DENND1A: variants seen among roughly 807,000 people sequenced by gnomAD.
The protein encoded by DENND1A is DENN domain-containing protein 1A.
A neutral mutation model predicts 113.7 loss-of-function variants in DENND1A; 51 were observed. The observed-to-expected ratio is 0.45, with a 90% confidence interval of 0.36 to 0.57. The LOEUF (loss-of-function observed/expected upper bound fraction) is 0.57. Ranked by LOEUF, DENND1A falls within the 20% of genes least tolerant of loss-of-function variation. The probability of loss-of-function intolerance (pLI) is 0.00; values close to 1 mark genes in which losing one functional copy is unlikely to be tolerated. For synonymous variants in DENND1A, 565 were observed against 570.8 expected (o/e 0.99, Z 0.14); for missense variants, 1,258 against 1,395.9 (o/e 0.90, Z 1.57).
At chr9:123,665,680 T>A (rs144765206) in intron 8 of DENND1A, among the ~76,000 whole-genome samples, 31 of 152,332 alleles carry the variant, frequency 2.0e-4, no homozygotes, top group Admixed American at 1.9e-3. Flanking sequence ...ACTTTTCTTA[T>A]CAAGTATTCA....
At position 123,481,423 on chromosome 9, in the gene DENND1A, C is replaced by T. The variant is rs925954370; in HGVS notation, c.994-23526G>A. Among the ~76,000 whole-genome samples the T allele has an allele frequency of 1.1e-4, 16 of 152,324 alleles. 1 individual carries two copies. The highest frequency in any genetic ancestry group is 4.6e-4 in the Admixed American group (7 of 15,304). On this transcript the variant is annotated intron_variant, in intron 13 of 23. Transcript: ENST00000394215. ...GGAAGCCCAGGCACCAGGAAGGACGCGTGCATTTACAGACGGCCCTCCTGT... is the reference window on the plus strand; with the variant it reads ...GGAAGCCCAGGCACCAGGAAGGACGTGTGCATTTACAGACGGCCCTCCTGT...
chr9:123,693,807 T>TTATTA (rs768396321), intron 5 of DENND1A, among the ~76,000 whole-genome samples: 4 of 94,648 alleles, frequency 4.2e-5, no homozygotes, highest in African/African-American at 1.5e-4. Context: ...ATTAGCTATA[T>TTATTA]TATTATTATT....
chr9:123,856,504 C>A (rs1028940105), intron 2 of DENND1A, among the ~76,000 whole-genome samples: 15 of 152,078 alleles, frequency 9.9e-5, no homozygotes, highest in African/African-American at 3.6e-4. Flanking sequence ...AGAAGCGTGT[C>A]CATGTTAAAA....
chr9:123,925,770 C>A (rs553505542), intron 1 of DENND1A, among the ~76,000 whole-genome samples: 3 of 152,314 alleles, frequency 2.0e-5, no homozygotes, highest in African/African-American at 7.2e-5. Context: ...TTGACAGGGA[C>A]AGAAGACAGG....
intron 2 of DENND1A, among the ~76,000 whole-genome samples, chr9:123,835,482 A>G (rs988123346): frequency 6.6e-6 from 1 of 152,110 alleles, no homozygotes; most frequent in Non-Finnish European, 1.5e-5. Context: ...ATAATGGTCA[A>G]GCACACTCAT....
intron 13 of DENND1A, among the ~76,000 whole-genome samples, chr9:123,548,442 C>T (rs950936120): frequency 1.3e-5 from 2 of 152,302 alleles, no homozygotes; most frequent in Admixed American, 6.5e-5. Flanking sequence ...GGTCCATATT[C>T]GTGCTTCCCA....
At chr9:123,637,914 C>A (rs1379956422) in intron 9 of DENND1A, among the ~76,000 whole-genome samples, 2 of 39,828 alleles carry the variant, frequency 5.0e-5, no homozygotes, top group Non-Finnish European at 8.7e-5. Context: ...GGAATAAACA[C>A]ACACACACAC....
rs189973883 is a variant in DENND1A at position 123,850,155 on chromosome 9, G to T, written c.88+28796C>A. ...CGATTCTAAAAGGAGTTCGACTGGG[G>T]GTAAAATGCTATTAAAGAGCATCAC... On this transcript the variant is annotated intron_variant, in intron 2 of 23. Coordinates refer to ENST00000394215, the MANE Select transcript of DENND1A (RefSeq NM_001352964.2). Among the ~76,000 whole-genome samples, 34 of 152,236 alleles carry T rather than the reference G, an allele frequency of 2.2e-4. No individual in the cohort carries two copies. In the East Asian group the frequency reaches 6.2e-3, roughly 28 times the overall value.
At chr9:123,865,374 T>G (rs1269900853) in intron 2 of DENND1A, among the ~76,000 whole-genome samples, 1 of 152,214 alleles carries the variant, frequency 6.6e-6, no homozygotes, top group African/African-American at 2.4e-5. Flanking sequence ...GATTAAGAAC[T>G]TTTTTAAAGC....
intron 15 of DENND1A, among the ~76,000 whole-genome samples, chr9:123,456,365 T>C (rs532346450): frequency 6.6e-6 from 1 of 152,206 alleles, no homozygotes; most frequent in South Asian, 2.1e-4. Context: ...CGATGGGATT[T>C]GGAAAGAAGG....
At chr9:123,722,089 T>G (rs561226715) in intron 5 of DENND1A, among the ~76,000 whole-genome samples, 1 of 152,318 alleles carries the variant, frequency 6.6e-6, no homozygotes, top group South Asian at 2.1e-4. Flanking sequence ...AGGTCCAGGA[T>G]GAGGTGGTCT....
rs560753276 is a variant in DENND1A at position 123,880,109 on chromosome 9, T to C, written c.18-1088A>G. 5.3e-5 allele frequency among the ~76,000 whole-genome samples: 8 copies of C among 152,254 alleles called. No individual in the cohort carries two copies. In the East Asian group the frequency reaches 1.5e-3, roughly 29 times the overall value. On this transcript the variant is annotated intron_variant, in intron 1 of 23. Coordinates refer to ENST00000394215, the MANE Select transcript of DENND1A (RefSeq NM_001352964.2). ...CTCACTGCAACCTCTGCTTCCCAGGTTCAAGCGATTCTCCTGCCTCAGCCT... is the reference window on the plus strand; with the variant it reads ...CTCACTGCAACCTCTGCTTCCCAGGCTCAAGCGATTCTCCTGCCTCAGCCT...
At chr9:123,437,143 C>A (rs1588522265) in intron 19 of DENND1A, among the ~76,000 whole-genome samples, 1 of 152,128 alleles carries the variant, frequency 6.6e-6, no homozygotes, top group East Asian at 1.9e-4. Flanking sequence ...TTGGGCCTGT[C>A]CATCTGCTGG....
At chr9:123,584,497 G>A (rs1031827100) in intron 11 of DENND1A, among the ~76,000 whole-genome samples, 1 of 152,200 alleles carries the variant, frequency 6.6e-6, no homozygotes, top group African/African-American at 2.4e-5. Flanking sequence ...CATGGTGTAG[G>A]CTGGCAACAG....
At chr9:123,785,158 A>G (rs908844344) in intron 3 of DENND1A, among the ~76,000 whole-genome samples, 72 of 152,136 alleles carry the variant, frequency 4.7e-4, no homozygotes, top group African/African-American at 1.7e-3. Flanking sequence ...TGGGCAACAT[A>G]GTAAGACCCC....
chr9:123,530,140 A>T (rs1038805023), intron 13 of DENND1A, among the ~76,000 whole-genome samples: 1 of 152,180 alleles, frequency 6.6e-6, no homozygotes, highest in African/African-American at 2.4e-5. Flanking sequence ...AAAAACAAAA[A>T]ACTAGCCTTG....
rs753447141 is a variant in DENND1A at position 123,818,553 on chromosome 9, CACACACACACACACAT to C, written c.89-25939_89-25924del. 8.5e-3 allele frequency among the ~76,000 whole-genome samples: 1,253 copies of C among 147,650 alleles called. 15 individuals are homozygous for C. The highest frequency in any genetic ancestry group is 0.011 in the Non-Finnish European group (774 of 67,388). On this transcript the variant is annotated intron_variant, in intron 2 of 23. Coordinates refer to ENST00000394215, the MANE Select transcript of DENND1A (RefSeq NM_001352964.2). Reference sequence around the variant, plus strand: ...ACACACACACACACACACACACACACACACACACACACACATATATATATATATATAAAATGAGATC... The same window carrying C: ...ACACACACACACACACACACACACACATATATATATATATAAAATGAGATC...
intron 10 of DENND1A, among the ~76,000 whole-genome samples, chr9:123,609,901 G>T (rs2060336600): frequency 6.6e-6 from 1 of 152,250 alleles, no homozygotes; most frequent in Admixed American, 6.5e-5. Context: ...AGAAAAAGCA[G>T]TTAAGGTTGG....
At chr9:123,854,265 A>T (rs761996266) in intron 2 of DENND1A, among the ~76,000 whole-genome samples, 18 of 152,208 alleles carry the variant, frequency 1.2e-4, no homozygotes, top group Non-Finnish European at 2.4e-4. Flanking sequence ...CTGCCCGGGA[A>T]CTTCAGACTG....
Sources: gnomAD v4.1 joint callset for allele counts (sites outside exome capture counted in the v4.1 genomes callset) on GRCh38, gnomAD v4.1.1 for gene constraint, MANE v1.5 for transcripts, NCBI Gene and HGNC (gene_info 2026-07-23, HGNC 2026-07-21) for gene names.